The following PDZD2 variants were observed in gnomAD, a reference collection of about 807,000 sequenced individuals.
The protein encoded by PDZD2 is PDZ domain containing 2.
Under a neutral mutation model 220.7 loss-of-function variants are expected in PDZD2, and 90 were observed. That is an observed-to-expected ratio of 0.41 (90% confidence interval 0.34 to 0.49). The LOEUF is 0.49. Ranked by LOEUF, PDZD2 falls within the 20% of genes least tolerant of loss-of-function variation. The pLI is 0.28. For synonymous variants in PDZD2, 1,375 were observed against 1,450.5 expected, an observed-to-expected ratio of 0.95 and a Z score of 1.18; for missense variants, 3,174 against 3,608.5, an observed-to-expected ratio of 0.88 and a Z score of 3.08.
At chr5:31,932,361 C>T (rs1745369246) in intron 2 of PDZD2, among the ~76,000 whole-genome samples, 1 of 152,028 alleles carries the variant, frequency 6.6e-6, no homozygotes, top group Admixed American at 6.6e-5. Flanking sequence ...CCAGCCTGGC[C>T]AACATGGTGA....
At chr5:32,058,183 T>A in intron 12 of PDZD2, 80 bp downstream of exon 12, 1 of 763,966 alleles carries the variant, frequency 1.3e-6, no homozygotes, top group East Asian at 2.6e-5. Context: ...TTCTTCCTTG[T>A]TGTTCTATGA....
rs1156780523 is a variant in PDZD2 at position 32,074,023 on chromosome 5, G to A, written c.2917G>A (p.Glu973Lys). 4 of 1,614,182 alleles carry A rather than the reference G, an allele frequency of 2.5e-6. No homozygotes were observed. The highest frequency in any genetic ancestry group is 3.4e-6 in the Non-Finnish European group (4 of 1,180,024). ...GCYDANDASD[E>K]EEFDREGDCI... ...CTACGATGCCAACGATGCCAGTGAT[G>A]AGGAAGAGTTTGACAGAGAAGGGGA... The change falls in exon 18 of 25, where the codon GAG becomes AAG. Residue 973 changes from glutamate to lysine, a missense_variant. Glu to Lys is a moderately conservative substitution (Grantham distance 56). Transcript: ENST00000438447.
intron 1 of PDZD2, among the ~76,000 whole-genome samples, chr5:31,781,840 G>T (rs934476621): frequency 6.6e-6 from 1 of 152,184 alleles, no homozygotes; most frequent in African/African-American, 2.4e-5. Flanking sequence ...GTTGGCCAGA[G>T]GGGACTACTA....
intron 2 of PDZD2, among the ~76,000 whole-genome samples, chr5:31,965,228 A>C (rs1748623106): frequency 6.6e-6 from 1 of 152,224 alleles, no homozygotes; most frequent in South Asian, 2.1e-4. Flanking sequence ...GACGGAGGAG[A>C]GCTCCAAAGC....
chr5:31,888,057 T>C (rs1329572921), intron 2 of PDZD2, among the ~76,000 whole-genome samples: 5 of 152,142 alleles, frequency 3.3e-5, no homozygotes, highest in Admixed American at 2.6e-4. Flanking sequence ...TTTTGGGCCA[T>C]TTACAGCAGT....
rs773779389 is a variant in PDZD2 at position 32,090,534 on chromosome 5, G to C, written c.7086G>C (p.Ser2362=). Residue 2362 remains serine (S), a synonymous_variant, in exon 20 of 25, where the codon TCG becomes TCC. Transcript: ENST00000438447. This position sits in a 1 kb window ranked among gnomAD's most constrained non-coding sequence, Gnocchi z 4.3. ...VAKSGASPFL[S]VSSKPPIGRR... is the part of the protein sequence containing the mutation. ...AGTCCGGGGCTTCCCCATTTTTGTCGGTGAGCTCCAAGCCTCCCATTGGGA... is the reference window on the plus strand; with the variant it reads ...AGTCCGGGGCTTCCCCATTTTTGTCCGTGAGCTCCAAGCCTCCCATTGGGA... 1 of 1,613,734 alleles carries C rather than the reference G, an allele frequency of 6.2e-7. No homozygotes were observed. Among genetic ancestry groups the C allele is most frequent in the Non-Finnish European group, 8.5e-7 (1 of 1,179,934 alleles).
intron 2 of PDZD2, among the ~76,000 whole-genome samples, chr5:31,943,188 G>A (rs568040332): frequency 2.2e-3 from 316 of 142,926 alleles, no homozygotes; most frequent in Non-Finnish European, 4.1e-3. Flanking sequence ...GGGCAACAGA[G>A]CAAGACTGTG....
At chr5:31,960,980 A>C (rs1422006166) in intron 2 of PDZD2, among the ~76,000 whole-genome samples, 4 of 152,134 alleles carry the variant, frequency 2.6e-5, no homozygotes, top group African/African-American at 7.2e-5. Context: ...CACTGAGCCC[A>C]ATGCCATCAC....
At chr5:31,838,000 A>C (rs1299295484) in intron 2 of PDZD2, among the ~76,000 whole-genome samples, 2 of 152,250 alleles carry the variant, frequency 1.3e-5, no homozygotes, top group African/African-American at 2.4e-5. Context: ...GTTTGGAAAC[A>C]GGTAAAATAC....
intron 5 of PDZD2, among the ~76,000 whole-genome samples, chr5:32,001,448 C>T (rs1435916090): frequency 1.4e-5 from 2 of 144,170 alleles, no homozygotes; most frequent in Non-Finnish European, 3.1e-5. Flanking sequence ...GACAGTGAGG[C>T]AGAGCTTCCG....
intron 2 of PDZD2, among the ~76,000 whole-genome samples, chr5:31,862,137 G>T (rs1480156451): frequency 8.1e-5 from 9 of 111,234 alleles, no homozygotes; most frequent in Non-Finnish European, 1.5e-4. Flanking sequence ...ATGGAGTCTC[G>T]CTCTGTTGCC....
intron 2 of PDZD2, among the ~76,000 whole-genome samples, chr5:31,946,425 T>C (rs112407696): frequency 6.6e-6 from 1 of 152,290 alleles, no homozygotes; most frequent in African/African-American, 2.4e-5. Context: ...GAAATACAGA[T>C]TGTTGGGCCC....
At position 32,098,228 on chromosome 5, in the gene PDZD2, C is replaced by A; in HGVS notation, c.7948-136C>A. 2.3e-6 allele frequency: 2 copies of A among 856,408 alleles called. No homozygotes were observed. The highest frequency in any genetic ancestry group is 3.5e-6 in the Non-Finnish European group (2 of 564,102). The allele number at this position is 856,408 out of a possible 1,614,324, so 53.1% of individuals were successfully genotyped here. On this transcript the variant is annotated intron_variant, in intron 22 of 24. Coordinates refer to ENST00000438447, the MANE Select transcript of PDZD2 (RefSeq NM_178140.4). This position sits in a 1 kb window ranked among gnomAD's most constrained non-coding sequence, Gnocchi z 4.1. ...CTGTACTCCAGCCTGGGTGACACAG[C>A]GAGACTCCCTCTCAAAAAATAAAAA...
intron 3 of PDZD2, among the ~76,000 whole-genome samples, chr5:31,988,249 T>C (rs994620184): frequency 6.6e-6 from 1 of 152,216 alleles, no homozygotes; most frequent in Non-Finnish European, 1.5e-5. Context: ...ACCAAACACA[T>C]TGGGATGTCA....
intron 2 of PDZD2, among the ~76,000 whole-genome samples, chr5:31,809,717 C>A (rs73060315): frequency 0.01 from 1,587 of 152,324 alleles, 24 homozygotes; most frequent in African/African-American, 0.036. Flanking sequence ...TCCGTCGCAG[C>A]CCACAGATCA....
rs142210032 is a variant in PDZD2 at position 31,790,927 on chromosome 5, T to C, written c.-360-7962T>C. Among the ~76,000 whole-genome samples, 935 of 151,504 alleles carry C rather than the reference T, an allele frequency of 6.2e-3. 13 individuals are homozygous for C. The highest frequency in any genetic ancestry group is 0.022 in the African/African-American group (895 of 41,314). ...GTTAGCCAAGATGGTCTTGATCTCC[T>C]GACCTCGTGATCCGCCCGCGTCGGC... On this transcript the variant is annotated intron_variant, in intron 1 of 24. Transcript: ENST00000438447.
At chr5:31,657,219 T>G (rs1047851690) in intron 1 of PDZD2, 1 of 152,300 alleles carries the variant, frequency 6.6e-6, no homozygotes, top group Non-Finnish European at 1.5e-5. Flanking sequence ...CTATCTGGCC[T>G]TTTCAGCAAG....
At chr5:32,066,439 CCTTT>C (rs1382535433) in intron 14 of PDZD2, among the ~76,000 whole-genome samples, 1 of 152,200 alleles carries the variant, frequency 6.6e-6, no homozygotes, top group Non-Finnish European at 1.5e-5. Context: ...CCATTTTTCT[CCTTT>C]CTATTCTGTG....
Position 31,799,384 on chromosome 5 carries a change from ATCCAGCTGAACT to A in PDZD2, c.138_149del (p.Gln47_Phe50del). 6.2e-7 allele frequency: 1 copy of A among 1,614,180 alleles called. No individual in the cohort carries two copies. Among genetic ancestry groups the A allele is most frequent in the Non-Finnish European group, 8.5e-7 (1 of 1,180,012 alleles). ...GGCCATCCAGAAGCTGCAGGAGTAC[ATCCAGCTGAACT>A]TTGCTGTGGATGAGAGTACGGTCCC... is the stretch of plus-strand genomic sequence containing the variant. On this transcript the variant is annotated inframe_deletion, in exon 2 of 25. Transcript: ENST00000438447.
Sources: allele counts gnomAD v4.1 joint callset (sites outside exome capture counted in the v4.1 genomes callset), GRCh38; gene constraint gnomAD v4.1.1; non-coding constraint Gnocchi (gnomAD v3.1); transcripts MANE v1.5; gene names NCBI Gene and HGNC (gene_info 2026-07-23, HGNC 2026-07-21).